Variants in MLF1 observed in about 807,000 individuals in gnomAD.
The protein encoded by MLF1 is myelodysplasia-myeloid leukemia factor 1.
In MLF1, 37 loss-of-function variants were observed where a neutral mutation model predicts 38.3. The observed-to-expected ratio is 0.96, with a 90% CI of 0.74 to 1.27. The LOEUF (loss-of-function observed/expected upper bound fraction) is 1.27. Ranked by LOEUF, MLF1 falls within the 50% of genes most tolerant of loss-of-function variation. The probability of loss-of-function intolerance (pLI) is 0.00; values close to 1 mark genes in which losing one functional copy is unlikely to be tolerated. For synonymous variants in MLF1, 95 were observed against 106.5 expected, an observed-to-expected ratio of 0.89 and a Z score of 0.66; for missense variants, 331 against 349.2, an observed-to-expected ratio of 0.95 and a Z score of 0.42.
Position 158,593,420 on chromosome 3 carries a change from TG to T in MLF1, c.236del (p.Gly79ValfsTer19). On this transcript the variant is annotated frameshift_variant, in exon 3 of 8. Coordinates refer to ENST00000466246, the MANE Select transcript of MLF1 (RefSeq NM_001369783.1). LOFTEE classifies it high-confidence loss of function. Reference protein sequence around the residue: ...CSLVPFGDFGGMHTDVSSFQT... With the variant: ...CSLVPFGDFGXMHTDVSSFQT... ...CTCTTGTGCCTTTTGGCGATTTTGG[TG>T]GTATGGTTCGTATCTTAAGACACAA... 1 of 1,562,136 alleles carries T rather than the reference TG, an allele frequency of 6.4e-7. No homozygotes were observed. Among genetic ancestry groups the T allele is most frequent in the South Asian group, 1.2e-5 (1 of 85,414 alleles).
chr3:158,572,835 TAG>T (rs1714746318), intron 1 of MLF1, among the ~76,000 whole-genome samples: 1 of 147,238 alleles, frequency 6.8e-6, no homozygotes, highest in Admixed American at 6.7e-5. Context: ...GGACGTGAGG[TAG>T]AGAGTTGAGG....
intron 1 of MLF1, among the ~76,000 whole-genome samples, chr3:158,580,079 G>A (rs113619804): frequency 0.018 from 2,784 of 152,258 alleles, 25 homozygotes; most frequent in Middle Eastern, 0.044. Context: ...TGTTCCATGG[G>A]TAACTCATTT....
At chr3:158,599,791 G>A (rs561015647) in intron 5 of MLF1, among the ~76,000 whole-genome samples, 2 of 152,150 alleles carry the variant, frequency 1.3e-5, no homozygotes, top group Non-Finnish European at 2.9e-5. Flanking sequence ...TTGGAAAAAG[G>A]TTAAATTGTA....
rs1311692774 is a variant in MLF1, at chr3:158,571,216, G to A, written c.-85G>A. ...GGCGAGTGAGGCGTCGTCCGTACTG[G>A]AGGCTAGCTCTTGTCGCGGCCGCGG... is the stretch of plus-strand genomic sequence containing the variant. On this transcript the variant is annotated 5_prime_UTR_variant, in exon 1 of 8. Transcript: ENST00000466246. The A allele has an allele frequency of 2.7e-6, 3 of 1,123,730 alleles. No individual in the cohort carries two copies. Among genetic ancestry groups the A allele is most frequent in the African/African-American group, 3.1e-5 (2 of 65,330 alleles). 69.6% of individuals were successfully genotyped at this position (1,123,730 alleles called of 1,614,324 possible). A position where few individuals can be genotyped will look rare whatever the true frequency, so the allele number is the denominator to read the frequency against.
At position 158,605,395 on chromosome 3, in the gene MLF1, C is replaced by T. The variant is rs1017204559; in HGVS notation, c.*193C>T. Reference sequence around the variant, plus strand: ...TTAGGAATAAAATTTTGATTTTCAACAATGTGAGTAAATTGAGTCTATTTA... The same window carrying T: ...TTAGGAATAAAATTTTGATTTTCAATAATGTGAGTAAATTGAGTCTATTTA... On this transcript the variant is annotated 3_prime_UTR_variant, in exon 8 of 8. Coordinates refer to ENST00000466246, the MANE Select transcript of MLF1 (RefSeq NM_001369783.1). 6 of 420,902 alleles carry T rather than the reference C, an allele frequency of 1.4e-5. No homozygotes were observed. Among genetic ancestry groups the T allele is most frequent in the Non-Finnish European group, 2.6e-5 (6 of 234,862 alleles). The allele number at this position is 420,902 out of a possible 1,614,324, so 26.1% of individuals were successfully genotyped here.
Position 158,602,823 on chromosome 3 carries a change from T to C in MLF1, c.630T>C (p.Phe210=), listed in dbSNP as rs1482007581. Residue 210 remains phenylalanine, a synonymous_variant, in exon 7 of 8, where the codon TTT becomes TTC. Transcript: ENST00000466246. ...INMNESDAHA[F]DEEWQSEVLK... The stretch of plus-strand genomic sequence containing the variant: ...TTGACATAGGTGATGCTCATGCTTT[T>C]GATGAGGAGTGGCAAAGTGAGGTTT... The C allele has an allele frequency of 2.5e-6, 4 of 1,613,526 alleles. No homozygotes were observed. In the South Asian group the frequency reaches 3.3e-5, roughly 13 times the overall value.
intron 2 of MLF1, among the ~76,000 whole-genome samples, chr3:158,593,043 T>G (rs1219712488): frequency 6.6e-6 from 1 of 152,144 alleles, no homozygotes; most frequent in Non-Finnish European, 1.5e-5. Context: ...TAGATTAACC[T>G]TTGCTTGTAT....
At chr3:158,602,489 CT>C (rs1259736256) in intron 6 of MLF1, among the ~76,000 whole-genome samples, 1 of 152,084 alleles carries the variant, frequency 6.6e-6, no homozygotes, top group African/African-American at 2.4e-5. Context: ...AGTATATTCA[CT>C]GTGAGATGAC....
At chr3:158,596,132 G>T (rs1262141503) in intron 3 of MLF1, among the ~76,000 whole-genome samples, 2 of 152,144 alleles carry the variant, frequency 1.3e-5, no homozygotes, top group East Asian at 3.9e-4. Flanking sequence ...CTAGTTATAT[G>T]CTCTCTTCAT....
rs764450091 is a variant in MLF1, at chr3:158,573,984, AGAG to A, written c.47+2642_47+2644del. Among the ~76,000 whole-genome samples the A allele has an allele frequency of 4.6e-5, 7 of 152,128 alleles. No individual in the cohort carries two copies. The East Asian group carries it at 7.7e-4, about 17-fold the overall frequency. On this transcript the variant is annotated intron_variant, in intron 1 of 7. Transcript: ENST00000466246. ...CACACCCTGCTAATTTTTTTTGTAG[AGAG>A]GAGGTTTCGCCGTGTTACCCAGACT...
chr3:158,592,066 C>T (rs1030506574), intron 1 of MLF1, among the ~76,000 whole-genome samples: 1 of 152,130 alleles, frequency 6.6e-6, no homozygotes, highest in Non-Finnish European at 1.5e-5. Flanking sequence ...GCAACATCAT[C>T]TAACATAAAG....
chr3:158,588,271 A>G (rs1268573396), intron 1 of MLF1, among the ~76,000 whole-genome samples: 1 of 152,242 alleles, frequency 6.6e-6, no homozygotes, highest in Non-Finnish European at 1.5e-5. Flanking sequence ...CTGAGTCAGA[A>G]CTACCCACCT....
Position 158,600,191 on chromosome 3 carries a change from A to T in MLF1, c.613+18A>T. ...GAATGAAAGTAAGTTATCACAAAAA[A>T]ATAATATTCTTTCTTATAAATTTAA... is the stretch of plus-strand genomic sequence containing the variant. On this transcript the variant is annotated intron_variant, in intron 6 of 7. Transcript: ENST00000466246. 1 of 1,373,422 alleles carries T rather than the reference A, an allele frequency of 7.3e-7. No individual in the cohort carries two copies. The allele number at this position is 1,373,422 out of a possible 1,614,324, so 85.1% of individuals were successfully genotyped here. A position where few individuals can be genotyped will look rare whatever the true frequency, so the allele number is the denominator to read the frequency against.
rs768930281 is a variant in MLF1, at chr3:158,602,972, TAAG to T, written c.746+39_746+41del. ...TTGTTTCTAAAATAGTTTGGTTTTTTAAGAAGAATTTGAAGTAAAGTTATGTAA... is the reference window on the plus strand; with the variant it reads ...TTGTTTCTAAAATAGTTTGGTTTTTTAAGAATTTGAAGTAAAGTTATGTAA... On this transcript the variant is annotated intron_variant, in intron 7 of 7. Coordinates refer to ENST00000466246, the MANE Select transcript of MLF1 (RefSeq NM_001369783.1). 26 of 1,580,508 alleles carry T rather than the reference TAAG, an allele frequency of 1.6e-5. No homozygotes were observed. The Middle Eastern group carries it at 6.3e-4, about 38-fold the overall frequency.
chr3:158,571,331 G>A lies in MLF1; in HGVS notation c.31G>A (p.Asp11Asn), dbSNP rs1326218550. MFRMLNSSFEDDPFFSESILA... is the reference protein window; with the variant it reads MFRMLNSSFENDPFFSESILA... ...CAGGATGCTGAACAGCAGTTTTGAG[G>A]ATGACCCCTTCTTCTCGTGAGTTAC... Residue 11 changes from aspartate (D) to asparagine (N), a missense_variant, in exon 1 of 8, where the codon GAT becomes AAT. Coordinates refer to ENST00000466246, the MANE Select transcript of MLF1 (RefSeq NM_001369783.1). 4.3e-6 allele frequency: 7 copies of A among 1,613,212 alleles called. No individual in the cohort carries two copies. The highest frequency in any genetic ancestry group is 3.3e-5 in the Admixed American group (2 of 60,014).
chr3:158,592,015 T>A (rs1718224680), intron 1 of MLF1, among the ~76,000 whole-genome samples: 1 of 152,208 alleles, frequency 6.6e-6, no homozygotes, highest in South Asian at 2.1e-4. Flanking sequence ...ACACTTAACC[T>A]ACCGAGTATC....
chr3:158,575,495 T>C (rs1395463200), intron 1 of MLF1, among the ~76,000 whole-genome samples: 4 of 152,190 alleles, frequency 2.6e-5, no homozygotes, highest in Admixed American at 2.6e-4. Context: ...CCACCCGTTT[T>C]ACCTCAACCC....
At chr3:158,581,473 A>G (rs1560098529) in intron 1 of MLF1, among the ~76,000 whole-genome samples, 1 of 152,208 alleles carries the variant, frequency 6.6e-6, no homozygotes, top group Non-Finnish European at 1.5e-5. Flanking sequence ...CAGCCATGTT[A>G]TCACACTGGA....
In MLF1 at chr3:158,605,117, C is replaced by T. The variant is rs1438292637; in HGVS notation, c.767C>T (p.Pro256Leu). 6.2e-7 allele frequency: 1 copy of T among 1,613,126 alleles called. No homozygotes were observed. The highest frequency in any genetic ancestry group is 1.1e-5 in the South Asian group (1 of 90,890). Reference protein sequence around the residue: ...LKRREKPQQSPAIEHGRRSNV... With the variant: ...LKRREKPQQSLAIEHGRRSNV... ...CTCAGGGAGAAACCTCAACAAAGTC[C>T]AGCCATTGAACATGGAAGGAGATCA... is the stretch of plus-strand genomic sequence containing the variant. The change falls in exon 8 of 8, where the codon CCA becomes CTA. Residue 256 changes from proline (P) to leucine (L), a missense_variant. By Grantham distance (98) the Pro-to-Leu change is moderately conservative. Coordinates refer to ENST00000466246, the MANE Select transcript of MLF1 (RefSeq NM_001369783.1).
Sources: allele counts gnomAD v4.1 joint callset (sites outside exome capture counted in the v4.1 genomes callset), GRCh38; gene constraint gnomAD v4.1.1; transcripts MANE v1.5; gene names NCBI Gene and HGNC (gene_info 2026-07-23, HGNC 2026-07-21).